Variants in MYOM1 observed in about 807,000 individuals in gnomAD.
MYOM1 encodes myomesin 1, also known as myomesin-1.
In MYOM1, 164 loss-of-function variants were observed where a neutral mutation model predicts 205.3. The observed-to-expected ratio is 0.80, with a 90% CI of 0.70 to 0.91. The LOEUF (loss-of-function observed/expected upper bound fraction) is 0.91. MYOM1 is among the 40% of genes least tolerant of loss of function. The pLI, the probability that MYOM1 is intolerant of heterozygous loss-of-function variation, is 0.00. For synonymous variants in MYOM1, 772 were observed against 789.4 expected, an observed-to-expected ratio of 0.98 and a Z score of 0.37; for missense variants, 2,011 against 2,127.3, an observed-to-expected ratio of 0.95 and a Z score of 1.08.
intron 2 of MYOM1, among the ~76,000 whole-genome samples, chr18:3,214,559 C>T (rs942381107): frequency 1.3e-5 from 2 of 152,176 alleles, no homozygotes; most frequent in Non-Finnish European, 2.9e-5. Flanking sequence ...CACGGTGGCT[C>T]ACGCCTGTAA....
intron 36 of MYOM1, among the ~76,000 whole-genome samples, chr18:3,074,090 T>C (rs546114979): frequency 6.6e-6 from 1 of 152,340 alleles, no homozygotes; most frequent in East Asian, 1.9e-4. Flanking sequence ...AAAGAGTTCA[T>C]GAACTCCTTG....
At chr18:3,212,770 C>T (rs555849546) in intron 2 of MYOM1, among the ~76,000 whole-genome samples, 2 of 152,308 alleles carry the variant, frequency 1.3e-5, no homozygotes, top group African/African-American at 2.4e-5. Context: ...ATCTGCAGAA[C>T]GTTTTTCAGG....
chr18:3,067,424 G>A lies in MYOM1; in HGVS notation c.4896C>T (p.Thr1632=), dbSNP rs1463864301. 18 of 1,613,572 alleles carry A rather than the reference G, an allele frequency of 1.1e-5. No homozygotes were observed. Among genetic ancestry groups the A allele is most frequent in the Non-Finnish European group, 1.4e-5 (17 of 1,179,916 alleles). Residue 1632 remains threonine (T), a synonymous_variant, in exon 38 of 38, where the codon ACC becomes ACT. Coordinates refer to ENST00000356443, the MANE Select transcript of MYOM1 (RefSeq NM_003803.4). ...AGTCAGCGGTGCTCACGCCGTTGAT[G>A]GTGAAGTACGCGGTCCTCCCAGCCT... The part of the protein sequence containing the change: ...KFEAGRTAYF[T]INGVSTADSG...
Position 3,203,244 on chromosome 18 carries a change from T to C in MYOM1, c.291-9286A>G, listed in dbSNP as rs1039007307. 2.0e-5 allele frequency among the ~76,000 whole-genome samples: 3 copies of C among 149,182 alleles called. No homozygotes were observed. In the East Asian group the frequency reaches 5.9e-4, roughly 29 times the overall value. Reference sequence around the variant, plus strand: ...TCCATCATAAGTAGCTAGAAAAAGATAAAACTAAACACAAAACAAGCAGAA... The same window carrying C: ...TCCATCATAAGTAGCTAGAAAAAGACAAAACTAAACACAAAACAAGCAGAA... On this transcript the variant is annotated intron_variant, in intron 2 of 37. Coordinates refer to ENST00000356443, the MANE Select transcript of MYOM1 (RefSeq NM_003803.4).
intron 14 of MYOM1, among the ~76,000 whole-genome samples, chr18:3,136,611 T>A (rs936598336): frequency 6.6e-6 from 1 of 151,552 alleles, no homozygotes; most frequent in Non-Finnish European, 1.5e-5. Context: ...ATTTTTTTGG[T>A]AGAGACAAGG....
rs527453400 is a variant in MYOM1 at position 3,082,231 on chromosome 18, G to A, written c.4484+1558C>T. ...TCCTAGTAGGCCACGGACTGGTACC[G>A]GTCCATGGCCTGGGGTTTGGGGATC... On this transcript the variant is annotated intron_variant, in intron 33 of 37. Coordinates refer to ENST00000356443, the MANE Select transcript of MYOM1 (RefSeq NM_003803.4). Among the ~76,000 whole-genome samples, 4 of 152,246 alleles carry A rather than the reference G, an allele frequency of 2.6e-5. No homozygotes were observed. The East Asian group carries it at 5.8e-4, about 22-fold the overall frequency.
chr18:3,147,895 A>G (rs546401217), intron 13 of MYOM1, among the ~76,000 whole-genome samples: 23 of 152,366 alleles, frequency 1.5e-4, no homozygotes, highest in African/African-American at 5.3e-4. Flanking sequence ...AACTAATGCT[A>G]TAACATTTCC....
At chr18:3,124,318 T>TTTTGG (rs2079745416) in intron 19 of MYOM1, among the ~76,000 whole-genome samples, 1 of 148,404 alleles carries the variant, frequency 6.7e-6, no homozygotes, top group Non-Finnish European at 1.5e-5. Context: ...TTTTTTTTTT[T>TTTTGG]GAGATGGAGT....
intron 9 of MYOM1, 93 bp from the exon 10 acceptor site, chr18:3,164,532 T>C (rs1466215201): frequency 5.1e-6 from 6 of 1,185,768 alleles, no homozygotes; most frequent in Admixed American, 2.8e-5. Flanking sequence ...GCCTTTTCTA[T>C]AATGAAAGTA....
rs139252860 is a variant in MYOM1, at chr18:3,103,617, C to A, written c.3419-987G>T. 1.7e-3 allele frequency among the ~76,000 whole-genome samples: 259 copies of A among 152,112 alleles called. 1 individual carries two copies. Among genetic ancestry groups the A allele is most frequent in the Middle Eastern group, 6.8e-3 (2 of 294 alleles). ...ATATAAAATATATTACATTTAATCC[C>A]AGAAAAGTACAGCTGTATTTTTTTA... is the stretch of plus-strand genomic sequence containing the variant. On this transcript the variant is annotated intron_variant, in intron 22 of 37. Coordinates refer to ENST00000356443, the MANE Select transcript of MYOM1 (RefSeq NM_003803.4).
chr18:3,223,407 T>C (rs1357143693), upstream of MYOM1, among the ~76,000 whole-genome samples: 1 of 152,246 alleles, frequency 6.6e-6, no homozygotes, highest in Non-Finnish European at 1.5e-5. Flanking sequence ...TGAGCTCTTT[T>C]GAAAGCCATA....
chr18:3,137,477 T>C (rs2079987344), intron 14 of MYOM1, among the ~76,000 whole-genome samples: 1 of 152,172 alleles, frequency 6.6e-6, no homozygotes, highest in East Asian at 1.9e-4. Context: ...CACAATGTAA[T>C]GTTATTCAGC....
At chr18:3,166,263 C>CTTTTTT (rs765532198) in intron 9 of MYOM1, among the ~76,000 whole-genome samples, 56 of 111,628 alleles carry the variant, frequency 5.0e-4, no homozygotes, top group East Asian at 8.2e-4. Flanking sequence ...TATCTCAAGT[C>CTTTTTT]TTTTTTTTTT....
intron 21 of MYOM1, 72 bp from the exon 22 acceptor site, chr18:3,112,484 G>C: frequency 8.5e-7 from 1 of 1,172,930 alleles, no homozygotes; most frequent in Non-Finnish European, 1.2e-6. Context: ...TTAAACAGAC[G>C]GGGCTCTTCC....
intron 13 of MYOM1, among the ~76,000 whole-genome samples, chr18:3,145,754 CA>C (rs1431082505): frequency 6.6e-6 from 1 of 151,446 alleles, no homozygotes; most frequent in East Asian, 1.9e-4. Context: ...CTCAAATAAG[CA>C]GAAAAAAGGA....
Position 3,134,716 on chromosome 18 carries a change from A to AT in MYOM1, c.2317dup (p.Ile773AsnfsTer15), listed in dbSNP as rs762570567. 12 of 1,613,896 alleles carry AT rather than the reference A, an allele frequency of 7.4e-6. No homozygotes were observed. In the Admixed American group the frequency reaches 1.8e-4, roughly 25 times the overall value. On this transcript the variant is annotated frameshift_variant, in exon 16 of 38. Transcript: ENST00000356443. LOFTEE classifies it high-confidence loss of function. ...GCCAGAGCCAGCAACGCTCGCCTCT[A>AT]TGTAGTACCCGACCAGCTCTTTGGC...
chr18:3,133,302 T>A (rs549146103), intron 16 of MYOM1, among the ~76,000 whole-genome samples: 1 of 152,118 alleles, frequency 6.6e-6, no homozygotes, highest in African/African-American at 2.4e-5. Flanking sequence ...GACTGAGAAG[T>A]GATCCAAGCC....
intron 11 of MYOM1, among the ~76,000 whole-genome samples, chr18:3,153,819 G>A (rs2080253815): frequency 6.6e-6 from 1 of 152,176 alleles, no homozygotes; most frequent in African/African-American, 2.4e-5. Context: ...TCTACAATGA[G>A]ATTTCATTAC....
At chr18:3,202,882 G>C (rs1295499026) in intron 2 of MYOM1, among the ~76,000 whole-genome samples, 1 of 151,886 alleles carries the variant, frequency 6.6e-6, no homozygotes. Context: ...TTCTCAAGGA[G>C]GGTTCATATG....
Sources: allele counts gnomAD v4.1 joint callset (sites outside exome capture counted in the v4.1 genomes callset), GRCh38; gene constraint gnomAD v4.1.1; transcripts MANE v1.5; gene names NCBI Gene and HGNC (gene_info 2026-07-23, HGNC 2026-07-21).